KMT2A: variants seen among roughly 807,000 people sequenced by gnomAD.
The protein encoded by KMT2A is histone-lysine N-methyltransferase 2A.
Under a neutral mutation model 345.3 loss-of-function variants are expected in KMT2A, and 16 were observed. That is an observed-to-expected ratio of 0.05 (90% CI 0.03 to 0.07). The LOEUF is 0.07. Ranked by LOEUF, KMT2A falls within the 10% of genes least tolerant of loss-of-function variation. KMT2A has a pLI of 1.00. For missense variants in KMT2A, 3,272 were observed against 4,841.6 expected, an observed-to-expected ratio of 0.68 and a Z score of 9.62; for synonymous variants, 1,599 against 1,778.6, an observed-to-expected ratio of 0.90 and a Z score of 2.54.
Position 118,476,354 on chromosome 11 carries a change from A to AG in KMT2A, c.3157-450dup. ...AATTTTGAGGGGAATTTAAAATAGT[A>AG]GTATAATTGGGAATAGAAGCTTAGT... On this transcript the variant is annotated intron_variant, in intron 3 of 35. Transcript: ENST00000534358. The surrounding 1 kb of genome is among the most constrained non-coding windows in gnomAD (Gnocchi z 4.1). 6.6e-6 allele frequency among the ~76,000 whole-genome samples: 1 copy of AG among 152,332 alleles called. No individual in the cohort carries two copies. Among genetic ancestry groups the AG allele is most frequent in the Middle Eastern group, 3.4e-3 (1 of 294 alleles).
intron 8 of KMT2A, among the ~76,000 whole-genome samples, chr11:118,483,308 G>T (rs879953071): frequency 1.3e-5 from 2 of 151,594 alleles, no homozygotes; most frequent in African/African-American, 4.8e-5. Context: ...CGAGGCGGGC[G>T]GATCATGAGG....
chr11:118,478,980 G>T (rs1156762265), intron 5 of KMT2A, among the ~76,000 whole-genome samples: 1 of 151,986 alleles, frequency 6.6e-6, no homozygotes, highest in African/African-American at 2.4e-5. Flanking sequence ...TACATAGTAG[G>T]TATATATATT....
chr11:118,513,056 T>TA (rs1371741258), intron 31 of KMT2A, among the ~76,000 whole-genome samples: 3 of 152,000 alleles, frequency 2.0e-5, no homozygotes, highest in African/African-American at 7.3e-5. Flanking sequence ...CTGGGCTTCA[T>TA]ACAGAGAATA....
rs1555053266 is a variant in KMT2A at position 118,520,714 on chromosome 11, G to A, written c.11430-88G>A. On this transcript the variant is annotated intron_variant, in intron 33 of 35. Transcript: ENST00000534358. The surrounding 1 kb of genome is among the most constrained non-coding windows in gnomAD (Gnocchi z 4.3). ...TTCAGTTTGGCATTAAACAAAGAGT[G>A]TACTAATTGTCTCTAGGAACCTTCG... The A allele has an allele frequency of 3.2e-6, 3 of 928,652 alleles. No homozygotes were observed. Among genetic ancestry groups the A allele is most frequent in the East Asian group, 2.4e-5 (1 of 41,066 alleles). 57.5% of individuals were successfully genotyped at this position (928,652 alleles called of 1,614,324 possible). A position where few individuals can be genotyped will look rare whatever the true frequency, so the allele number is the denominator to read the frequency against.
chr11:118,498,850 G>A lies in KMT2A; in HGVS notation c.5961+322G>A, dbSNP rs1386429642. ...TTATACCATCATATGGAGTATTTTC[G>A]CTGCCTTAAACATCCTCTGTGCTCT... On this transcript the variant is annotated intron_variant, in intron 22 of 35. Transcript: ENST00000534358. The surrounding 1 kb of genome is among the most constrained non-coding windows in gnomAD (Gnocchi z 4.4). 1.3e-5 allele frequency among the ~76,000 whole-genome samples: 2 copies of A among 152,024 alleles called. No homozygotes were observed. The highest frequency in any genetic ancestry group is 6.5e-5 in the Admixed American group (1 of 15,274).
intron 7 of KMT2A, 56 bp downstream of exon 7, chr11:118,482,148 C>G (rs1950144869): frequency 1.2e-5 from 18 of 1,524,700 alleles, no homozygotes; most frequent in Admixed American, 1.1e-4. Context: ...CAAAAAAGCA[C>G]TGATGTCTCA....
intron 31 of KMT2A, among the ~76,000 whole-genome samples, chr11:118,517,319 C>T (rs1320608613): frequency 6.7e-6 from 1 of 149,334 alleles, no homozygotes; most frequent in Non-Finnish European, 1.5e-5. Context: ...TGGTGTGAAC[C>T]CAGGAGGCAG....
rs1485186281 is a variant in KMT2A, at chr11:118,493,778, C to T, written c.5179-510C>T. On this transcript the variant is annotated intron_variant, in intron 16 of 35. Coordinates refer to ENST00000534358, the MANE Select transcript of KMT2A (RefSeq NM_001197104.2). This position sits in a 1 kb window ranked among gnomAD's most constrained non-coding sequence, Gnocchi z 5.8. ...AGGCTGGCATGCAGTGACATGATCTCGGCTCACTGCAACCTCTGCCTCCCG... is the reference window on the plus strand; with the variant it reads ...AGGCTGGCATGCAGTGACATGATCTTGGCTCACTGCAACCTCTGCCTCCCG... 2.6e-5 allele frequency among the ~76,000 whole-genome samples: 4 copies of T among 152,056 alleles called. No homozygotes were observed. Among genetic ancestry groups the T allele is most frequent in the Admixed American group, 1.3e-4 (2 of 15,260 alleles).
At chr11:118,449,535 A>T (rs998509755) in intron 1 of KMT2A, 1 of 149,170 alleles carries the variant, frequency 6.7e-6, no homozygotes, top group Non-Finnish European at 1.5e-5. Flanking sequence ...GCAGTGAGCC[A>T]TGATCATGAC....
At position 118,522,231 on chromosome 11, in the gene KMT2A, T is replaced by C; in HGVS notation, c.*59T>C. Reference sequence around the variant, plus strand: ...GAGGCGGGGCCATCCAAAGCAACGCTGAAGGCCTTTTCCAGCAGCTGGGAG... The same window carrying C: ...GAGGCGGGGCCATCCAAAGCAACGCCGAAGGCCTTTTCCAGCAGCTGGGAG... On this transcript the variant is annotated 3_prime_UTR_variant, in exon 36 of 36. Transcript: ENST00000534358. This position sits in a 1 kb window ranked among gnomAD's most constrained non-coding sequence, Gnocchi z 5.4. The C allele has an allele frequency of 1.3e-6, 2 of 1,583,364 alleles. No homozygotes were observed. Among genetic ancestry groups the C allele is most frequent in the Non-Finnish European group, 1.7e-6 (2 of 1,160,308 alleles).
At position 118,523,993 on chromosome 11, in the gene KMT2A, A is replaced by T. The variant is rs1306940245; in HGVS notation, c.*1821A>T. 1 of 203,056 alleles carries T rather than the reference A, an allele frequency of 4.9e-6. No homozygotes were observed. The highest frequency in any genetic ancestry group is 2.3e-5 in the African/African-American group (1 of 43,632). 12.6% of individuals were successfully genotyped at this position (203,056 alleles called of 1,614,324 possible). On this transcript the variant is annotated 3_prime_UTR_variant, in exon 36 of 36. Coordinates refer to ENST00000534358, the MANE Select transcript of KMT2A (RefSeq NM_001197104.2). ...CTCTCTCCTTTCCGGCGCAACTTCC[A>T]GAGTGGTGGGAGACGGCAATCTTTA...
chr11:118,512,801 T>G (rs367939996), intron 31 of KMT2A, among the ~76,000 whole-genome samples: 12 of 151,990 alleles, frequency 7.9e-5, no homozygotes, highest in East Asian at 7.7e-4. Flanking sequence ...TACCTGTTTT[T>G]TGTTTTTTTT....
chr11:118,461,199 T>C (rs1373847633), intron 1 of KMT2A, among the ~76,000 whole-genome samples: 1 of 152,210 alleles, frequency 6.6e-6, no homozygotes, highest in Non-Finnish European at 1.5e-5. Context: ...AACTGGCCAC[T>C]AAAGAATTAA....
intron 28 of KMT2A, among the ~76,000 whole-genome samples, chr11:118,507,941 C>A (rs966813000): frequency 2.6e-5 from 4 of 152,002 alleles, no homozygotes; most frequent in African/African-American, 9.7e-5. Flanking sequence ...CCAGCCTGGG[C>A]GATAGAGCAA....
At chr11:118,477,066 C>A (rs1377549667) in intron 4 of KMT2A, 84 bp downstream of exon 4, 14 of 1,321,098 alleles carry the variant, frequency 1.1e-5, no homozygotes, top group Non-Finnish European at 1.3e-5. Context: ...GTAGGCTCTT[C>A]ATAGTTAGTA....
At chr11:118,451,685 G>C (rs555217482) in intron 1 of KMT2A, among the ~76,000 whole-genome samples, 17 of 150,082 alleles carry the variant, frequency 1.1e-4, no homozygotes, top group African/African-American at 3.9e-4. Context: ...TAGAGATGGG[G>C]TCTCACCATC....
chr11:118,525,717 C>T lies in KMT2A; in HGVS notation c.*3545C>T. Reference sequence around the variant, plus strand: ...ACGTTCAATCAAATATCTGAAAATACTAAAGGTCAAAACCTTGTCAGATGT... The same window carrying T: ...ACGTTCAATCAAATATCTGAAAATATTAAAGGTCAAAACCTTGTCAGATGT... On this transcript the variant is annotated 3_prime_UTR_variant, in exon 36 of 36. Transcript: ENST00000534358. 1 of 227,430 alleles carries T rather than the reference C, an allele frequency of 4.4e-6. No homozygotes were observed. Among genetic ancestry groups the T allele is most frequent in the Non-Finnish European group, 8.7e-6 (1 of 115,564 alleles). The allele number at this position is 227,430 out of a possible 1,614,324, so 14.1% of individuals were successfully genotyped here.
At chr11:118,489,206 T>C (rs1308312948) in intron 11 of KMT2A, among the ~76,000 whole-genome samples, 1 of 116,446 alleles carries the variant, frequency 8.6e-6, no homozygotes, top group Non-Finnish European at 1.6e-5. Context: ...CACTCCAGCC[T>C]GGGTGACACA....
At chr11:118,437,850 C>G (rs1367714146) in intron 1 of KMT2A, among the ~76,000 whole-genome samples, 1 of 152,110 alleles carries the variant, frequency 6.6e-6, no homozygotes, top group Non-Finnish European at 1.5e-5. Flanking sequence ...CACCACTCCC[C>G]TTGGAGAGGA....
Sources: gnomAD v4.1 joint callset for allele counts (sites outside exome capture counted in the v4.1 genomes callset) on GRCh38, gnomAD v4.1.1 for gene constraint, Gnocchi (gnomAD v3.1) non-coding constraint, MANE v1.5 for transcripts, NCBI Gene and HGNC (gene_info 2026-07-23, HGNC 2026-07-21) for gene names.